The following PPP2R2B variants were observed in gnomAD, a reference collection of about 807,000 sequenced individuals.
PPP2R2B encodes the protein protein phosphatase 2 regulatory subunit Bbeta, also known as serine/threonine-protein phosphatase 2A 55 kDa regulatory subunit B beta isoform.
In PPP2R2B, 5 loss-of-function variants were observed where a neutral mutation model predicts 46.0. The ratio of observed to expected loss-of-function variants is 0.11; its 90% CI spans 0.06 to 0.23. The LOEUF (loss-of-function observed/expected upper bound fraction) is 0.23. PPP2R2B is among the 10% of genes least tolerant of loss of function. The pLI, the probability that PPP2R2B is intolerant of heterozygous loss-of-function variation, is 1.00. For missense variants in PPP2R2B, 367 were observed against 575.0 expected, an observed-to-expected ratio of 0.64 and a Z score of 3.70; for synonymous variants, 215 against 206.7, an observed-to-expected ratio of 1.04 and a Z score of -0.34.
At chr5:146,979,038 A>G (rs1304730600) in intron 1 of PPP2R2B, among the ~76,000 whole-genome samples, 1 of 152,188 alleles carries the variant, frequency 6.6e-6, no homozygotes, top group African/African-American at 2.4e-5. Context: ...AAGCTGATGT[A>G]TTTAAGAATG....
chr5:147,024,153 CTCTATCTATCTATCTA>C (rs57080635), intron 1 of PPP2R2B, among the ~76,000 whole-genome samples: 20 of 145,646 alleles, frequency 1.4e-4, no homozygotes, highest in African/African-American at 3.8e-4. Context: ...AAATCCCCTC[CTCTATCTATCTATCTA>C]TCTATCTATC....
chr5:146,992,459 G>T (rs2151862639), intron 1 of PPP2R2B, among the ~76,000 whole-genome samples: 1 of 152,266 alleles, frequency 6.6e-6, no homozygotes, highest in East Asian at 1.9e-4. Context: ...AAGGAGTATG[G>T]GTTCCTTGTT....
intron 5 of PPP2R2B, among the ~76,000 whole-genome samples, chr5:146,688,519 A>G (rs923103350): frequency 2.6e-5 from 4 of 151,856 alleles, no homozygotes; most frequent in Non-Finnish European, 5.9e-5. Flanking sequence ...GGGAAGAAGT[A>G]TAATTCATCA....
chr5:146,827,886 C>CT (rs1758675001), intron 2 of PPP2R2B, among the ~76,000 whole-genome samples: 1 of 152,162 alleles, frequency 6.6e-6, no homozygotes, highest in East Asian at 1.9e-4. Flanking sequence ...ACATTAAGCC[C>CT]TTTTTCTGTC....
chr5:146,631,891 G>T (rs555969238), intron 7 of PPP2R2B, among the ~76,000 whole-genome samples: 1 of 152,112 alleles, frequency 6.6e-6, no homozygotes. Flanking sequence ...CAAGAGCCCT[G>T]TGTCCATGAC....
intron 2 of PPP2R2B, among the ~76,000 whole-genome samples, chr5:146,745,544 A>C (rs1469791317): frequency 6.6e-6 from 1 of 152,190 alleles, no homozygotes; most frequent in East Asian, 1.9e-4. Flanking sequence ...GCCTGGCACA[A>C]TTATTAGAGT....
chr5:146,879,742 A>G (rs1762101798), upstream of PPP2R2B, among the ~76,000 whole-genome samples: 1 of 152,220 alleles, frequency 6.6e-6, no homozygotes, highest in Non-Finnish European at 1.5e-5. Flanking sequence ...AACAACCAAA[A>G]ACATTTAATG....
chr5:146,946,270 A>C (rs1389950626), intron 1 of PPP2R2B, among the ~76,000 whole-genome samples: 2 of 151,926 alleles, frequency 1.3e-5, no homozygotes, highest in Non-Finnish European at 2.9e-5. Context: ...TTTTTTTCCC[A>C]TCTTTCAAAG....
At chr5:146,991,018 A>G (rs1009903345) in intron 1 of PPP2R2B, among the ~76,000 whole-genome samples, 2 of 152,168 alleles carry the variant, frequency 1.3e-5, no homozygotes, top group Non-Finnish European at 2.9e-5. Context: ...AGCCACAATG[A>G]GATGTCACCT....
chr5:146,980,749 A>G (rs1753134468), intron 1 of PPP2R2B, among the ~76,000 whole-genome samples: 1 of 152,154 alleles, frequency 6.6e-6, no homozygotes, highest in Admixed American at 6.5e-5. Flanking sequence ...TATGTTGTCA[A>G]TTTTTGGAAT....
chr5:146,767,591 C>A lies in PPP2R2B; in HGVS notation c.71-66449G>T, dbSNP rs370383934. 5.4e-4 allele frequency among the ~76,000 whole-genome samples: 82 copies of A among 152,074 alleles called. No homozygotes were observed. In the South Asian group the frequency reaches 0.016, roughly 30 times the overall value. On this transcript the variant is annotated intron_variant, in intron 2 of 9. Transcript: ENST00000394411. ...ATATATTTAGTAGACTTTTTTAGAG[C>A]AGTTTTAAGTTCACAGAAAAATTGA...
chr5:146,849,330 T>A (rs1760203643), intron 2 of PPP2R2B, among the ~76,000 whole-genome samples: 1 of 152,228 alleles, frequency 6.6e-6, no homozygotes, highest in Non-Finnish European at 1.5e-5. Context: ...GGGGTTCTTG[T>A]TGATGTCTCT....
At chr5:146,672,997 T>C (rs1777472848) in intron 5 of PPP2R2B, among the ~76,000 whole-genome samples, 1 of 152,232 alleles carries the variant, frequency 6.6e-6, no homozygotes. Context: ...GTTTACAGAC[T>C]GTTTGGAATT....
intron 2 of PPP2R2B, chr5:146,706,701 T>G (rs754867299): frequency 6.9e-6 from 6 of 865,136 alleles, no homozygotes; most frequent in African/African-American, 1.7e-5. Context: ...CCGGTTCATC[T>G]CAGAGATCTC....
chr5:146,850,870 G>A (rs904724317), intron 2 of PPP2R2B, among the ~76,000 whole-genome samples: 8 of 152,116 alleles, frequency 5.3e-5, no homozygotes, highest in African/African-American at 1.7e-4. Context: ...CACCTATCAA[G>A]TAAATGTCTG....
intron 2 of PPP2R2B, among the ~76,000 whole-genome samples, chr5:146,875,868 T>C (rs1478860060): frequency 1.3e-5 from 2 of 152,200 alleles, no homozygotes; most frequent in Non-Finnish European, 2.9e-5. Flanking sequence ...CTTAAGGAAT[T>C]CATTGGAAGA....
intron 1 of PPP2R2B, among the ~76,000 whole-genome samples, chr5:146,891,508 TAACTC>T (rs769505839): frequency 1.6e-4 from 25 of 152,326 alleles, no homozygotes; most frequent in Non-Finnish European, 2.9e-4. Flanking sequence ...TTTTTTAAGT[TAACTC>T]AAAGACATGG....
chr5:146,876,500 T>C (rs1172902800), intron 2 of PPP2R2B, among the ~76,000 whole-genome samples: 10 of 152,186 alleles, frequency 6.6e-5, no homozygotes, highest in Admixed American at 5.9e-4. Context: ...TTGGATGACA[T>C]GCTTAGATAC....
chr5:146,895,966 A>G lies in PPP2R2B; in HGVS notation c.79+159699T>C, dbSNP rs531549180. Among the ~76,000 whole-genome samples, 17 of 152,262 alleles carry G rather than the reference A, an allele frequency of 1.1e-4. No individual in the cohort carries two copies. The South Asian group carries it at 3.3e-3, about 30-fold the overall frequency. On this transcript the variant is annotated intron_variant, in intron 1 of 8. Coordinates refer to the PPP2R2B transcript ENST00000336640. ...TAAGAAATTATGAAAATCGCAAAAC[A>G]AACTGTCCAAAGGGGTCATTACTGT...
Sources: allele counts gnomAD v4.1 joint callset (sites outside exome capture counted in the v4.1 genomes callset), GRCh38; gene constraint gnomAD v4.1.1; transcripts MANE v1.5; gene names NCBI Gene and HGNC (gene_info 2026-07-23, HGNC 2026-07-21).